The following ARHGEF12 variants were observed in gnomAD, a reference collection of about 807,000 sequenced individuals.
ARHGEF12 encodes the protein KMT2A/ARHGEF12 fusion protein.
Under a neutral mutation model 211.2 loss-of-function variants are expected in ARHGEF12, and 66 were observed. The observed-to-expected ratio is 0.31, with a 90% CI of 0.26 to 0.38. ARHGEF12 has a LOEUF of 0.38. ARHGEF12 is among the 10% of genes least tolerant of loss of function. The pLI, the probability that ARHGEF12 is intolerant of heterozygous loss-of-function variation, is 1.00. For missense variants in ARHGEF12, 1,429 were observed against 1,869.5 expected (o/e 0.76, Z 4.34); for synonymous variants, 592 against 638.4 (o/e 0.93, Z 1.09).
chr11:120,361,881 A>G (rs550041516), intron 1 of ARHGEF12, among the ~76,000 whole-genome samples: 31 of 152,344 alleles, frequency 2.0e-4, no homozygotes, highest in South Asian at 1.4e-3. Flanking sequence ...CAAACTGAAG[A>G]TTTCTTCCAG....
intron 1 of ARHGEF12, among the ~76,000 whole-genome samples, chr11:120,364,970 A>G (rs941299710): frequency 7.2e-5 from 11 of 152,036 alleles, no homozygotes; most frequent in African/African-American, 2.4e-4. Flanking sequence ...AATTTTGTGT[A>G]GAGACAAGCT....
At chr11:120,364,997 G>A (rs1439349159) in intron 1 of ARHGEF12, among the ~76,000 whole-genome samples, 4 of 151,878 alleles carry the variant, frequency 2.6e-5, no homozygotes, top group African/African-American at 4.8e-5. Flanking sequence ...ATGTTGCCCA[G>A]GCTGGTCTCG....
At chr11:120,372,002 C>T (rs1186000064) in intron 1 of ARHGEF12, among the ~76,000 whole-genome samples, 1 of 152,200 alleles carries the variant, frequency 6.6e-6, no homozygotes, top group African/African-American at 2.4e-5. Context: ...TTTGGAAAAA[C>T]TAAACCAAGG....
intron 2 of ARHGEF12, 107 bp downstream of exon 2, chr11:120,406,248 C>T (rs1309601895): frequency 7.6e-6 from 5 of 656,974 alleles, no homozygotes; most frequent in African/African-American, 5.7e-5. Context: ...AATGTGTATT[C>T]AAGTAATTCA....
chr11:120,425,786 C>G (rs1945329768), intron 7 of ARHGEF12, among the ~76,000 whole-genome samples: 1 of 147,798 alleles, frequency 6.8e-6, no homozygotes, highest in Non-Finnish European at 1.5e-5. Context: ...AAGAGAGAGA[C>G]TGCTTGAACT....
At chr11:120,456,026 A>G (rs964602066) in intron 22 of ARHGEF12, among the ~76,000 whole-genome samples, 11 of 152,348 alleles carry the variant, frequency 7.2e-5, no homozygotes, top group Admixed American at 3.9e-4. Context: ...AGGAAAAAAT[A>G]TATAATCCTA....
intron 21 of ARHGEF12, chr11:120,449,744 A>G (rs997332498): frequency 6.6e-6 from 1 of 151,544 alleles, no homozygotes; most frequent in Non-Finnish European, 1.5e-5. Flanking sequence ...GAAAACACAC[A>G]TCTTTAGTGG....
At chr11:120,435,654 A>G (rs915844962) in intron 11 of ARHGEF12, among the ~76,000 whole-genome samples, 1 of 151,406 alleles carries the variant, frequency 6.6e-6, no homozygotes. Flanking sequence ...AGCTGGGACT[A>G]CAGGTGTCTG....
chr11:120,470,447 A>G lies in ARHGEF12; in HGVS notation c.2955+1059A>G, dbSNP rs116057623. ...ATATTTGGATGGACAGGATGAGTGG[A>G]GAAGCCCCACGTTTGTGGGGAAGAT... On this transcript the variant is annotated intron_variant, in intron 30 of 40. Transcript: ENST00000397843. Among the ~76,000 whole-genome samples, 554 of 152,322 alleles carry G rather than the reference A, an allele frequency of 3.6e-3. 6 individuals carry two copies. The highest frequency in any genetic ancestry group is 0.013 in the African/African-American group (536 of 41,574).
intron 1 of ARHGEF12, among the ~76,000 whole-genome samples, chr11:120,383,008 G>A (rs190947576): frequency 0.013 from 2,022 of 152,198 alleles, 150 homozygotes; most frequent in Admixed American, 0.12. Flanking sequence ...GCGTGGTGGC[G>A]GGCGCCTGTG....
chr11:120,352,415 A>T (rs944748487), intron 1 of ARHGEF12, among the ~76,000 whole-genome samples: 6 of 152,194 alleles, frequency 3.9e-5, no homozygotes, highest in Non-Finnish European at 7.3e-5. Context: ...AGCATAAATG[A>T]TGTAAGTAAG....
chr11:120,417,495 T>G (rs1390680981), intron 4 of ARHGEF12, among the ~76,000 whole-genome samples: 6 of 151,352 alleles, frequency 4.0e-5, no homozygotes, highest in Non-Finnish European at 8.8e-5. Flanking sequence ...AAATGCTGCT[T>G]AGTCTAATAA....
At chr11:120,365,298 G>T (rs920811807) in intron 1 of ARHGEF12, among the ~76,000 whole-genome samples, 1 of 152,026 alleles carries the variant, frequency 6.6e-6, no homozygotes, top group East Asian at 1.9e-4. Flanking sequence ...AACTGTGCTG[G>T]TAAGCTGATA....
chr11:120,484,339 C>T (rs1565520976), intron 39 of ARHGEF12, 99 bp from the exon 40 acceptor site: 2 of 992,504 alleles, frequency 2.0e-6, no homozygotes, highest in East Asian at 2.6e-5. Flanking sequence ...GGGGCTTGTA[C>T]CTGTAATGTA....
At chr11:120,387,165 C>T (rs1208071259) in intron 1 of ARHGEF12, among the ~76,000 whole-genome samples, 1 of 151,460 alleles carries the variant, frequency 6.6e-6, no homozygotes, top group East Asian at 1.9e-4. Context: ...AAACAATTCT[C>T]ATTACTTTAG....
intron 6 of ARHGEF12, among the ~76,000 whole-genome samples, chr11:120,423,388 A>G (rs969156574): frequency 4.6e-5 from 7 of 152,152 alleles, no homozygotes; most frequent in Admixed American, 3.9e-4. Flanking sequence ...GTGACAAGCA[A>G]TTTTGCTTTT....
At chr11:120,465,030 A>G (rs1034043861) in intron 27 of ARHGEF12, 11 of 577,028 alleles carry the variant, frequency 1.9e-5, no homozygotes, top group African/African-American at 5.7e-5. Context: ...AAAGAAGAAG[A>G]AAACATTGGA....
intron 18 of ARHGEF12, 94 bp downstream of exon 18, chr11:120,447,179 A>T: frequency 7.1e-7 from 1 of 1,406,238 alleles, no homozygotes; most frequent in Non-Finnish European, 9.5e-7. Context: ...AAACTGTCAG[A>T]TTGTGTATGT....
chr11:120,484,610 C>T (rs1172018713), intron 40 of ARHGEF12, 103 bp downstream of exon 40: 19 of 1,066,698 alleles, frequency 1.8e-5, no homozygotes, highest in Non-Finnish European at 2.6e-5. Context: ...TTCCATTTCT[C>T]TTCTGTCTTT....
Sources: gnomAD v4.1 joint callset for allele counts (sites outside exome capture counted in the v4.1 genomes callset) on GRCh38, gnomAD v4.1.1 for gene constraint, MANE v1.5 for transcripts, NCBI Gene and HGNC (gene_info 2026-07-23, HGNC 2026-07-21) for gene names.